HCN1: variants seen among roughly 807,000 people sequenced by gnomAD.
HCN1 encodes the protein hyperpolarization activated cyclic nucleotide gated potassium channel 1, also known as potassium/sodium hyperpolarization-activated cyclic nucleotide-gated channel 1.
HCN1 carries 13 observed loss-of-function variants against 78.9 expected under a neutral mutation model. That is an observed-to-expected ratio of 0.16 (90% CI 0.11 to 0.26). HCN1 has a LOEUF of 0.26. Among genes scored for constraint, HCN1 ranks in the 10% least tolerant of loss-of-function variants. The probability of loss-of-function intolerance (pLI) is 1.00; values close to 1 mark genes in which losing one functional copy is unlikely to be tolerated. For missense variants in HCN1, 810 were observed against 1,154.3 expected (o/e 0.70, Z 4.32); for synonymous variants, 552 against 455.5 (o/e 1.21, Z -2.70).
intron 2 of HCN1, among the ~76,000 whole-genome samples, chr5:45,549,298 G>T (rs1048451697): frequency 1.3e-5 from 2 of 151,966 alleles, no homozygotes; most frequent in African/African-American, 4.8e-5. Flanking sequence ...CCAAAACAGA[G>T]ATATAGACCA....
chr5:45,582,524 C>A (rs1240470952), intron 2 of HCN1, among the ~76,000 whole-genome samples: 1 of 152,168 alleles, frequency 6.6e-6, no homozygotes, highest in South Asian at 2.1e-4. Context: ...CCTTCTCCTG[C>A]CTGATTGCCC....
At chr5:45,363,022 G>A (rs1747148132) in intron 4 of HCN1, among the ~76,000 whole-genome samples, 2 of 149,032 alleles carry the variant, frequency 1.3e-5, no homozygotes, top group South Asian at 2.1e-4. Context: ...ATTATTTCCT[G>A]ATTACTACCA....
At chr5:45,576,215 G>T (rs1743942037) in intron 2 of HCN1, 1 of 152,120 alleles carries the variant, frequency 6.6e-6, no homozygotes, top group Non-Finnish European at 1.5e-5. Context: ...GACAAAAGTT[G>T]AATGAATGAG....
chr5:45,563,042 C>T (rs973500030), intron 2 of HCN1, among the ~76,000 whole-genome samples: 1 of 152,092 alleles, frequency 6.6e-6, no homozygotes, highest in African/African-American at 2.4e-5. Flanking sequence ...AAATTGTAAA[C>T]ATTTTGAAGT....
intron 5 of HCN1, among the ~76,000 whole-genome samples, chr5:45,326,899 G>C (rs1339723295): frequency 1.3e-5 from 2 of 151,562 alleles, no homozygotes; most frequent in Non-Finnish European, 3.0e-5. Context: ...TTCTGTTAAG[G>C]TACCATGCAG....
intron 3 of HCN1, among the ~76,000 whole-genome samples, chr5:45,447,301 G>A (rs1315781457): frequency 6.6e-6 from 1 of 152,118 alleles, no homozygotes; most frequent in African/African-American, 2.4e-5. Context: ...ATGATGCAGT[G>A]GTGTGATCTT....
rs4866929 is a variant in HCN1 at position 45,266,487 on chromosome 5, A to G, written c.1783+602T>C. 0.34 allele frequency among the ~76,000 whole-genome samples: 51,986 copies of G among 152,054 alleles called. 11,141 individuals are homozygous for G. The highest frequency in any genetic ancestry group is 0.46 in the Non-Finnish European group (31,021 of 67,976). ...ATATTTTTAGTTCTATTTCAATGCT[A>G]TCTAGAATTTTTATCATTGCTTTTT... On this transcript the variant is annotated intron_variant, in intron 7 of 7. Coordinates refer to ENST00000303230, the MANE Select transcript of HCN1 (RefSeq NM_021072.4).
At chr5:45,416,143 A>G (rs1369559921) in intron 3 of HCN1, among the ~76,000 whole-genome samples, 1 of 152,020 alleles carries the variant, frequency 6.6e-6, no homozygotes, top group African/African-American at 2.4e-5. Flanking sequence ...AATTCAGCAT[A>G]TATTTTAACA....
intron 4 of HCN1, among the ~76,000 whole-genome samples, chr5:45,362,927 T>C (rs1747146129): frequency 6.6e-6 from 1 of 151,806 alleles, no homozygotes; most frequent in African/African-American, 2.4e-5. Context: ...GGTCTACTTT[T>C]GTTATCTAAC....
chr5:45,404,805 A>G (rs966847780), intron 3 of HCN1, among the ~76,000 whole-genome samples: 5 of 151,766 alleles, frequency 3.3e-5, no homozygotes, highest in Non-Finnish European at 7.4e-5. Flanking sequence ...TTAGCCACTC[A>G]GTAGCCTGCC....
chr5:45,447,040 T>C (rs1361664080), intron 3 of HCN1, among the ~76,000 whole-genome samples: 1 of 151,688 alleles, frequency 6.6e-6, no homozygotes, highest in Admixed American at 6.6e-5. Flanking sequence ...CATAACAATA[T>C]TAACTTTAAA....
At chr5:45,352,079 A>G (rs903865825) in intron 5 of HCN1, among the ~76,000 whole-genome samples, 3 of 152,180 alleles carry the variant, frequency 2.0e-5, no homozygotes, top group Admixed American at 6.5e-5. Flanking sequence ...ATGCACACGT[A>G]TGTTTATTGC....
At chr5:45,284,894 A>G (rs1460904550) in intron 6 of HCN1, among the ~76,000 whole-genome samples, 3 of 152,114 alleles carry the variant, frequency 2.0e-5, no homozygotes. Flanking sequence ...CCTATGCACC[A>G]TAAGAGAGAT....
At chr5:45,313,368 G>A (rs544512871) in intron 5 of HCN1, among the ~76,000 whole-genome samples, 179 of 152,174 alleles carry the variant, frequency 1.2e-3, no homozygotes, top group Admixed American at 2.0e-3. Context: ...CCATCTGTAC[G>A]TCACCATCAT....
At chr5:45,397,558 A>T (rs1739711931) in intron 3 of HCN1, among the ~76,000 whole-genome samples, 1 of 151,870 alleles carries the variant, frequency 6.6e-6, no homozygotes. Flanking sequence ...GAACTCCCTA[A>T]TTCAAGTATT....
intron 2 of HCN1, among the ~76,000 whole-genome samples, chr5:45,608,148 T>C (rs1048103489): frequency 6.6e-6 from 1 of 151,988 alleles, no homozygotes; most frequent in Non-Finnish European, 1.5e-5. Context: ...TTAAATATTT[T>C]GGAATATATC....
chr5:45,458,542 C>T (rs550778049), intron 3 of HCN1, among the ~76,000 whole-genome samples: 2 of 152,108 alleles, frequency 1.3e-5, no homozygotes, highest in African/African-American at 4.8e-5. Context: ...AGAGCTCAAA[C>T]GTTAATTTTA....
intron 2 of HCN1, among the ~76,000 whole-genome samples, chr5:45,552,451 C>T (rs1274213603): frequency 6.6e-6 from 1 of 151,900 alleles, no homozygotes; most frequent in Non-Finnish European, 1.5e-5. Context: ...GAACAAAAAA[C>T]TTATCATGTC....
At chr5:45,273,708 G>A (rs989773265) in intron 6 of HCN1, among the ~76,000 whole-genome samples, 2 of 152,026 alleles carry the variant, frequency 1.3e-5, no homozygotes, top group Admixed American at 6.6e-5. Flanking sequence ...GTAATTCTCT[G>A]CTGTGCATCA....
Sources: gnomAD v4.1 joint callset for allele counts (sites outside exome capture counted in the v4.1 genomes callset) on GRCh38, gnomAD v4.1.1 for gene constraint, MANE v1.5 for transcripts, NCBI Gene and HGNC (gene_info 2026-07-23, HGNC 2026-07-21) for gene names.